Variants in SERPINF1 observed in about 807,000 individuals in gnomAD.
SERPINF1 encodes the protein serpin family F member 1, also known as pigment epithelium-derived factor.
Under a neutral mutation model 37.3 loss-of-function variants are expected in SERPINF1, and 29 were observed. The ratio of observed to expected loss-of-function variants is 0.78; its 90% confidence interval spans 0.58 to 1.06. SERPINF1 has a LOEUF of 1.06. Ranked by LOEUF, SERPINF1 falls within the 50% of genes least tolerant of loss-of-function variation. The probability of loss-of-function intolerance (pLI) is 0.00; values close to 1 mark genes in which losing one functional copy is unlikely to be tolerated. For synonymous variants in SERPINF1, 281 were observed against 227.9 expected (o/e 1.23, Z -2.10); for missense variants, 553 against 532.2 (o/e 1.04, Z -0.38).
chr17:1,770,697 C>T (rs540281223), intron 3 of SERPINF1: 99 of 341,062 alleles, frequency 2.9e-4, no homozygotes, highest in South Asian at 8.0e-4. Flanking sequence ...CGGGCTCAAG[C>T]GATCCACCCG....
intron 2 of SERPINF1, among the ~76,000 whole-genome samples, chr17:1,769,499 C>T (rs1380365330): frequency 6.6e-6 from 1 of 152,194 alleles, no homozygotes; most frequent in Non-Finnish European, 1.5e-5. Flanking sequence ...TGGCGCATGC[C>T]TGTAATCCCA....
At chr17:1,765,143 CTTT>C (rs34386380) in intron 1 of SERPINF1, among the ~76,000 whole-genome samples, 3 of 124,776 alleles carry the variant, frequency 2.4e-5, no homozygotes, top group Non-Finnish European at 3.3e-5. Context: ...TGCGCCTGGC[CTTT>C]TTTTTTTTTT....
chr17:1,776,740 T>C lies in SERPINF1; in HGVS notation c.995T>C (p.Met332Thr), dbSNP rs150696039. Reference sequence around the variant, plus strand: ...GAAGTCACCAAGTCCCTGCAGGAGATGAGTATGTCTGAAGACCCTTTCGCT... The same window carrying C: ...GAAGTCACCAAGTCCCTGCAGGAGACGAGTATGTCTGAAGACCCTTTCGCT... ...EGEVTKSLQEMKLQSLFDSPD... is the reference protein window; with the variant it reads ...EGEVTKSLQETKLQSLFDSPD... Residue 332 changes from methionine to threonine, a missense_variant and splice_region_variant, in exon 7 of 8, where the codon ATG becomes ACG. Coordinates refer to ENST00000254722, the MANE Select transcript of SERPINF1 (RefSeq NM_002615.7). 4.3e-6 allele frequency: 7 copies of C among 1,612,334 alleles called. No homozygotes were observed. The African/African-American group carries it at 9.4e-5, about 22-fold the overall frequency.
intron 7 of SERPINF1, 58 bp from the exon 8 acceptor site, chr17:1,777,129 T>C: frequency 6.2e-7 from 1 of 1,613,292 alleles, no homozygotes. Flanking sequence ...AAGGGATCCC[T>C]TGGTTGGGGT....
intron 7 of SERPINF1, 68 bp downstream of exon 7, chr17:1,776,810 T>C: frequency 6.9e-7 from 1 of 1,456,232 alleles, no homozygotes; most frequent in Non-Finnish European, 9.6e-7. Flanking sequence ...GGCCTTCCAC[T>C]GTGCTAAGCA....
At chr17:1,772,759 C>CAT (rs1597353286) in intron 5 of SERPINF1, among the ~76,000 whole-genome samples, 1 of 146,928 alleles carries the variant, frequency 6.8e-6, no homozygotes, top group East Asian at 2.1e-4. Context: ...GGGGTTTCAC[C>CAT]GTGGTCTCGA....
intron 3 of SERPINF1, 59 bp downstream of exon 3, chr17:1,770,109 GC>G: frequency 6.4e-7 from 1 of 1,569,054 alleles, no homozygotes; most frequent in East Asian, 2.2e-5. Flanking sequence ...TGTGGCCTCT[GC>G]GTAAACGTGG....
chr17:1,777,212 A>C lies in SERPINF1; in HGVS notation c.1023A>C (p.Pro341=), dbSNP rs756358929. Residue 341 remains proline, a synonymous_variant, in exon 8 of 8, where the codon CCA becomes CCC. Transcript: ENST00000254722. ...AGCTGCAATCCTTGTTTGATTCACCAGACTTTAGCAAGATCACAGGCAAAC... is the reference window on the plus strand; with the variant it reads ...AGCTGCAATCCTTGTTTGATTCACCCGACTTTAGCAAGATCACAGGCAAAC... ...EMKLQSLFDS[P]DFSKITGKPI... is the part of the protein sequence containing the mutation. 1 of 1,614,120 alleles carries C rather than the reference A, an allele frequency of 6.2e-7. No homozygotes were observed. Among genetic ancestry groups the C allele is most frequent in the African/African-American group, 1.3e-5 (1 of 75,028 alleles).
At chr17:1,771,649 T>G in intron 4 of SERPINF1, 1 of 589,642 alleles carries the variant, frequency 1.7e-6, no homozygotes, top group Non-Finnish European at 3.1e-6. Context: ...CAGGAGACGG[T>G]GGGAGGGGCA....
chr17:1,768,020 TAGTG>T (rs1907489085), intron 2 of SERPINF1, among the ~76,000 whole-genome samples: 2 of 151,214 alleles, frequency 1.3e-5, no homozygotes. Flanking sequence ...ATAGGCAACA[TAGTG>T]AGACCCCTGT....
At chr17:1,770,133 ACATTT>A in intron 3 of SERPINF1, 83 bp downstream of exon 3, 5 of 1,484,430 alleles carry the variant, frequency 3.4e-6, no homozygotes, top group Middle Eastern at 1.9e-4. Flanking sequence ...GAGTTTATTG[ACATTT>A]CAGTTCAGCG....
intron 5 of SERPINF1, among the ~76,000 whole-genome samples, chr17:1,772,994 G>A (rs1343761696): frequency 1.3e-5 from 2 of 152,134 alleles, no homozygotes; most frequent in African/African-American, 4.8e-5. Flanking sequence ...GTTTGACCAA[G>A]GATGGATGGC....
intron 1 of SERPINF1, 57 bp from the exon 2 acceptor site, chr17:1,766,846 A>AGCGGG: frequency 1.3e-6 from 2 of 1,492,392 alleles, no homozygotes; most frequent in Non-Finnish European, 1.8e-6. Flanking sequence ...AGGAAGGGGT[A>AGCGGG]GCGGGGCAGT....
intron 7 of SERPINF1, 49 bp downstream of exon 7, chr17:1,776,791 G>A (rs1381358311): frequency 6.4e-7 from 1 of 1,563,692 alleles, no homozygotes; most frequent in Non-Finnish European, 8.8e-7. Context: ...GGGTGGGGCA[G>A]GGTCTTTGGG....
rs1188349723 is a variant in SERPINF1, at chr17:1,776,860, T to C, written c.997+118T>C. The C allele has an allele frequency of 2.5e-5, 24 of 942,770 alleles. No individual in the cohort carries two copies. In the South Asian group the frequency reaches 3.3e-4, roughly 13 times the overall value. The allele number at this position is 942,770 out of a possible 1,614,324, so 58.4% of individuals were successfully genotyped here. ...CACAGGCTTGTAGGGGGGCCGTGGATGAGTCCTTAATCCTCATCGTGCCAG... is the reference window on the plus strand; with the variant it reads ...CACAGGCTTGTAGGGGGGCCGTGGACGAGTCCTTAATCCTCATCGTGCCAG... On this transcript the variant is annotated intron_variant, in intron 7 of 7. Coordinates refer to ENST00000254722, the MANE Select transcript of SERPINF1 (RefSeq NM_002615.7).
chr17:1,769,928 T>A lies in SERPINF1; in HGVS notation c.161T>A (p.Leu54Gln). ...DPFFKVPVNK[L>Q]AAAVSNFGYD... ...TTCTTCAAAGTCCCCGTGAACAAGCTGGCAGCGGCTGTCTCCAACTTCGGC... is the reference window on the plus strand; with the variant it reads ...TTCTTCAAAGTCCCCGTGAACAAGCAGGCAGCGGCTGTCTCCAACTTCGGC... The change falls in exon 3 of 8, where the codon CTG (leucine) becomes CAG (glutamine). Residue 54 changes from leucine to glutamine, a missense_variant. Leu to Gln is a moderately radical substitution (Grantham distance 113). Transcript: ENST00000254722. The A allele has an allele frequency of 6.2e-7, 1 of 1,614,176 alleles. No individual in the cohort carries two copies. The highest frequency in any genetic ancestry group is 1.1e-5 in the South Asian group (1 of 91,076).
chr17:1,776,790 A>C lies in SERPINF1; in HGVS notation c.997+48A>C. The C allele has an allele frequency of 1.9e-6, 3 of 1,579,644 alleles. No individual in the cohort carries two copies. In the South Asian group the frequency reaches 3.3e-5, roughly 18 times the overall value. ...TCTTGGTGGGTGGATGGGGTGGGGC[A>C]GGGTCTTTGGGCCTTCCACTGTGCT... On this transcript the variant is annotated intron_variant, in intron 7 of 7. Transcript: ENST00000254722.
At chr17:1,767,043 T>G in intron 2 of SERPINF1, 49 bp downstream of exon 2, 1 of 1,492,700 alleles carries the variant, frequency 6.7e-7, no homozygotes, top group Non-Finnish European at 9.1e-7. Context: ...CGCCCCTCCT[T>G]GGCAGGCAGC....
intron 2 of SERPINF1, among the ~76,000 whole-genome samples, chr17:1,767,807 T>A (rs974830332): frequency 6.6e-6 from 1 of 152,200 alleles, no homozygotes; most frequent in African/African-American, 2.4e-5. Context: ...TCCTTGCCTA[T>A]GAAATGGGAT....
Sources: allele counts gnomAD v4.1 joint callset (sites outside exome capture counted in the v4.1 genomes callset), GRCh38; gene constraint gnomAD v4.1.1; transcripts MANE v1.5; gene names NCBI Gene and HGNC (gene_info 2026-07-23, HGNC 2026-07-21).